Variants in ECHDC3 observed in about 807,000 individuals in gnomAD.
ECHDC3 encodes the protein enoyl-CoA hydratase domain containing 3.
In ECHDC3, 20 loss-of-function variants were observed where a neutral mutation model predicts 17.9. That is an observed-to-expected ratio of 1.12 (90% CI 0.79 to 1.63). The LOEUF (loss-of-function observed/expected upper bound fraction) is 1.63, where lower values mean the gene tolerates loss of function less well. Ranked by LOEUF, ECHDC3 falls within the 40% of genes most tolerant of loss-of-function variation. The pLI is 0.00. For synonymous variants in ECHDC3, 177 were observed against 149.7 expected (o/e 1.18, Z -1.33); for missense variants, 407 against 357.7 (o/e 1.14, Z -1.11).
At chr10:11,755,182 T>C (rs1832870495) in intron 3 of ECHDC3, among the ~76,000 whole-genome samples, 1 of 152,054 alleles carries the variant, frequency 6.6e-6, no homozygotes, top group Non-Finnish European at 1.5e-5. Context: ...AAAATTTAGC[T>C]GGGCGTGGTA....
Position 11,755,204 on chromosome 10 carries a change from T to C in ECHDC3, c.391-204T>C, listed in dbSNP as rs554579776. On this transcript the variant is annotated intron_variant, in intron 3 of 4. Transcript: ENST00000379215. ...AGCTGGGCGTGGTAGCCCATGCCTG[T>C]AGTCCCAGCTACTCAGGAGGCTGAG... 4.1e-5 allele frequency: 20 copies of C among 492,612 alleles called. No homozygotes were observed. The Admixed American group carries it at 5.7e-4, about 14-fold the overall frequency. The allele number at this position is 492,612 out of a possible 1,614,324, so 30.5% of individuals were successfully genotyped here.
At chr10:11,751,144 T>G (rs1055405916) in intron 3 of ECHDC3, among the ~76,000 whole-genome samples, 2 of 152,218 alleles carry the variant, frequency 1.3e-5, no homozygotes, top group African/African-American at 4.8e-5. Flanking sequence ...TGGCTAAAGT[T>G]GAAAAGCATC....
At chr10:11,747,321 C>A (rs1236064182) in intron 1 of ECHDC3, 28 bp from the exon 2 acceptor site, 1 of 1,611,860 alleles carries the variant, frequency 6.2e-7, no homozygotes, top group South Asian at 1.1e-5. Context: ...TGGTGTGTGA[C>A]CCTGTGATTG....
At position 11,764,069 on chromosome 10, in the gene ECHDC3, G is replaced by T; in HGVS notation, c.*525G>T. 4 of 648,694 alleles carry T rather than the reference G, an allele frequency of 6.2e-6. No homozygotes were observed. The highest frequency in any genetic ancestry group is 7.7e-6 in the Non-Finnish European group (4 of 522,148). 40.2% of individuals were successfully genotyped at this position (648,694 alleles called of 1,614,324 possible). On this transcript the variant is annotated 3_prime_UTR_variant, in exon 5 of 5. Transcript: ENST00000379215. ...TTTAAATAAATTAAATCTTTATAGA[G>T]ACTGGTATGTTTTATCTCCCCAGCT...
Position 11,753,951 on chromosome 10 carries a change from C to CT in ECHDC3, c.391-1448dup, listed in dbSNP as rs36075072. ...CCACCACACCCAGCTAATTTTTGTA[C>CT]TTTTTTTTTAGTAGAGACAGGGTTT... On this transcript the variant is annotated intron_variant, in intron 3 of 4. Coordinates refer to ENST00000379215, the MANE Select transcript of ECHDC3 (RefSeq NM_024693.5). 3.6e-3 allele frequency among the ~76,000 whole-genome samples: 543 copies of CT among 150,832 alleles called. 2 individuals carry two copies. Among genetic ancestry groups the CT allele is most frequent in the Middle Eastern group, 0.01 (3 of 292 alleles).
In ECHDC3 at chr10:11,742,453, T is replaced by C; in HGVS notation, c.-124T>C. On this transcript the variant is annotated 5_prime_UTR_variant, in exon 1 of 5. Coordinates refer to ENST00000379215, the MANE Select transcript of ECHDC3 (RefSeq NM_024693.5). ...CCTGTCAGGCGGTTCCGTCCGGGTC[T>C]CGGCCACCGTCGAGTTCCGTCGAGT... The C allele has an allele frequency of 9.8e-7, 1 of 1,023,964 alleles. No homozygotes were observed. Among genetic ancestry groups the C allele is most frequent in the Non-Finnish European group, 1.2e-6 (1 of 803,032 alleles). The allele number at this position is 1,023,964 out of a possible 1,614,324, so 63.4% of individuals were successfully genotyped here. A position where few individuals can be genotyped will look rare whatever the true frequency, so the allele number is the denominator to read the frequency against.
At position 11,742,423 on chromosome 10, in the gene ECHDC3, C is replaced by T; in HGVS notation, c.-154C>T. The T allele has an allele frequency of 1.5e-6, 1 of 685,298 alleles. No individual in the cohort carries two copies. Among genetic ancestry groups the T allele is most frequent in the Non-Finnish European group, 2.0e-6 (1 of 503,088 alleles). The allele number at this position is 685,298 out of a possible 1,614,324, so 42.5% of individuals were successfully genotyped here. On this transcript the variant is annotated 5_prime_UTR_variant, in exon 1 of 5. Coordinates refer to ENST00000379215, the MANE Select transcript of ECHDC3 (RefSeq NM_024693.5). ...CTGGCCTGGGGCGTCCCCGCGAAGCCTGGGCCTGTCAGGCGGTTCCGTCCG... is the reference window on the plus strand; with the variant it reads ...CTGGCCTGGGGCGTCCCCGCGAAGCTTGGGCCTGTCAGGCGGTTCCGTCCG...
Position 11,763,611 on chromosome 10 carries a change from C to T in ECHDC3, c.*67C>T. The T allele has an allele frequency of 7.0e-7, 1 of 1,438,510 alleles. No individual in the cohort carries two copies. Among genetic ancestry groups the T allele is most frequent in the Non-Finnish European group, 9.1e-7 (1 of 1,099,536 alleles). 89.1% of individuals were successfully genotyped at this position (1,438,510 alleles called of 1,614,324 possible). On this transcript the variant is annotated 3_prime_UTR_variant, in exon 5 of 5. Transcript: ENST00000379215. This position sits in a 1 kb window ranked among gnomAD's most constrained non-coding sequence, Gnocchi z 4.9. ...CCCACCTTCCCCTCTGGCCCAGCCA[C>T]CACTGCCTCTCAGCTTCAACAGGTG...
chr10:11,743,448 A>G (rs1322563549), intron 1 of ECHDC3, among the ~76,000 whole-genome samples: 1 of 152,248 alleles, frequency 6.6e-6, no homozygotes, highest in African/African-American at 2.4e-5. Context: ...GGTTCCCCGC[A>G]GGGGTAGAGA....
intron 2 of ECHDC3, among the ~76,000 whole-genome samples, chr10:11,748,109 C>G (rs1251389021): frequency 6.6e-6 from 1 of 152,110 alleles, no homozygotes; most frequent in Non-Finnish European, 1.5e-5. Context: ...CCATCTTATC[C>G]ATGGTTAATC....
At chr10:11,745,159 G>A (rs142442083) in intron 1 of ECHDC3, among the ~76,000 whole-genome samples, 1,923 of 152,320 alleles carry the variant, frequency 0.013, 20 homozygotes, top group Middle Eastern at 0.024. Context: ...GGGTGGGGTG[G>A]GAGGAGCTGA....
In ECHDC3 at chr10:11,742,634, C is replaced by T. The variant is rs11558855; in HGVS notation, c.58C>T (p.Arg20Cys). 0.19 allele frequency: 240,283 copies of T among 1,273,184 alleles called. 24,326 individuals carry two copies. Among genetic ancestry groups the T allele is most frequent in the Non-Finnish European group, 0.21 (208,980 of 1,010,140 alleles). The allele number at this position is 1,273,184 out of a possible 1,614,324, so 78.9% of individuals were successfully genotyped here. A position where few individuals can be genotyped will look rare whatever the true frequency, so the allele number is the denominator to read the frequency against. The stretch of plus-strand genomic sequence containing the variant: ...GGCAAGTGGGCCCATGTGTCTCCGG[C>T]GCGGCCCCTGGGCCCAGCTCCCCGC... ...FGASGPMCLR[R>C]GPWAQLPARF... Residue 20 changes from arginine to cysteine, a missense_variant, in exon 1 of 5, where the codon CGC becomes TGC. Transcript: ENST00000379215.
intron 3 of ECHDC3, among the ~76,000 whole-genome samples, chr10:11,750,479 A>C (rs1382445068): frequency 1.3e-5 from 2 of 152,216 alleles, no homozygotes; most frequent in Non-Finnish European, 2.9e-5. Context: ...CATATTAAGG[A>C]GGAAAAATAC....
At chr10:11,745,010 C>T (rs1391017641) in intron 1 of ECHDC3, among the ~76,000 whole-genome samples, 2 of 152,022 alleles carry the variant, frequency 1.3e-5, no homozygotes, top group African/African-American at 4.8e-5. Flanking sequence ...TAGTAGCCCA[C>T]GAAAGAAGTC....
intron 3 of ECHDC3, among the ~76,000 whole-genome samples, chr10:11,751,767 T>G (rs1832827285): frequency 6.6e-6 from 1 of 152,240 alleles, no homozygotes; most frequent in African/African-American, 2.4e-5. Flanking sequence ...GACTTCTTCC[T>G]TGTCTCTCTA....
chr10:11,752,851 A>G (rs1357010733), intron 3 of ECHDC3, among the ~76,000 whole-genome samples: 2 of 152,244 alleles, frequency 1.3e-5, no homozygotes, highest in Non-Finnish European at 2.9e-5. Context: ...AGACCACTGC[A>G]TAAGCTCCAG....
chr10:11,763,776 C>T lies in ECHDC3; in HGVS notation c.*232C>T. ...AAGGCTGGTGAACCCTGCAGCGGGC[C>T]AGCTATGGTGGGAAGCCTGGCATTT... On this transcript the variant is annotated 3_prime_UTR_variant, in exon 5 of 5. Coordinates refer to ENST00000379215, the MANE Select transcript of ECHDC3 (RefSeq NM_024693.5). This position sits in a 1 kb window ranked among gnomAD's most constrained non-coding sequence, Gnocchi z 4.9. 1 of 1,312,610 alleles carries T rather than the reference C, an allele frequency of 7.6e-7. No homozygotes were observed. The highest frequency in any genetic ancestry group is 9.7e-7 in the Non-Finnish European group (1 of 1,031,304). The allele number at this position is 1,312,610 out of a possible 1,614,324, so 81.3% of individuals were successfully genotyped here. A position where few individuals can be genotyped will look rare whatever the true frequency, so the allele number is the denominator to read the frequency against.
At position 11,763,474 on chromosome 10, in the gene ECHDC3, G is replaced by A. The variant is rs111542060; in HGVS notation, c.842G>A (p.Arg281Gln). Residue 281 changes from arginine to glutamine, a missense_variant, in exon 5 of 5, where the codon CGG becomes CAG. Coordinates refer to ENST00000379215, the MANE Select transcript of ECHDC3 (RefSeq NM_024693.5). The surrounding 1 kb of genome is among the most constrained non-coding windows in gnomAD (Gnocchi z 4.9). ...SQAMVDNLAL[R>Q]DGQEGITAFL... ...GCCATGGTGGACAACCTGGCCCTGC[G>A]GGACGGGCAGGAGGGCATCACGGCC... 2.0e-4 allele frequency: 213 copies of A among 1,082,118 alleles called. 1 individual carries two copies. The African/African-American group carries it at 2.3e-3, about 12-fold the overall frequency. The allele number at this position is 1,082,118 out of a possible 1,614,324, so 67.0% of individuals were successfully genotyped here. A position where few individuals can be genotyped will look rare whatever the true frequency, so the allele number is the denominator to read the frequency against.
At chr10:11,742,950 C>T (rs997239837) in intron 1 of ECHDC3, 1 of 479,130 alleles carries the variant, frequency 2.1e-6, no homozygotes, top group Non-Finnish European at 3.2e-6. Context: ...GGCTCCAAAG[C>T]CCTCAGGGCA....
Sources: allele counts gnomAD v4.1 joint callset (sites outside exome capture counted in the v4.1 genomes callset), GRCh38; gene constraint gnomAD v4.1.1; non-coding constraint Gnocchi (gnomAD v3.1); transcripts MANE v1.5; gene names NCBI Gene and HGNC (gene_info 2026-07-23, HGNC 2026-07-21).